The following MGAT4C variants were observed in gnomAD, a reference collection of about 807,000 sequenced individuals.
MGAT4C encodes the protein MGAT4 family member C, also known as alpha-1,3-mannosyl-glycoprotein 4-beta-N-acetylglucosaminyltransferase C.
Under a neutral mutation model 40.1 loss-of-function variants are expected in MGAT4C, and 19 were observed. The observed-to-expected ratio is 0.47, with a 90% CI of 0.33 to 0.70. The LOEUF (loss-of-function observed/expected upper bound fraction) is 0.70, where lower values mean the gene tolerates loss of function less well. Among genes scored for constraint, MGAT4C ranks in the 30% least tolerant of loss-of-function variants. The probability of loss-of-function intolerance (pLI) is 0.02; values close to 1 mark genes in which losing one functional copy is unlikely to be tolerated. For synonymous variants in MGAT4C, 181 were observed against 187.1 expected, an observed-to-expected ratio of 0.97 and a Z score of 0.27; for missense variants, 491 against 563.2, an observed-to-expected ratio of 0.87 and a Z score of 1.30.
chr12:86,190,491 C>A (rs1371011956), intron 1 of MGAT4C, among the ~76,000 whole-genome samples: 4 of 152,022 alleles, frequency 2.6e-5, no homozygotes, highest in Non-Finnish European at 4.4e-5. Flanking sequence ...TACATCATTC[C>A]TTTAACCATC....
chr12:86,494,723 A>G (rs1233702108), intron 2 of MGAT4C, among the ~76,000 whole-genome samples: 1 of 151,992 alleles, frequency 6.6e-6, no homozygotes, highest in East Asian at 1.9e-4. Context: ...TTCAGAAAAT[A>G]CAAAGCATTC....
intron 1 of MGAT4C, among the ~76,000 whole-genome samples, chr12:86,816,102 A>G (rs999914521): frequency 6.6e-6 from 1 of 151,768 alleles, no homozygotes; most frequent in Non-Finnish European, 1.5e-5. Context: ...TGAGTAGAAA[A>G]TTTGTTGATC....
chr12:86,586,842 C>T (rs955400060), intron 2 of MGAT4C, among the ~76,000 whole-genome samples: 20 of 151,810 alleles, frequency 1.3e-4, no homozygotes, highest in Non-Finnish European at 2.5e-4. Flanking sequence ...ATTGTAGATT[C>T]TGGATATTAG....
chr12:86,105,840 C>T (rs990772161), intron 1 of MGAT4C, among the ~76,000 whole-genome samples: 12 of 152,244 alleles, frequency 7.9e-5, no homozygotes, highest in Admixed American at 7.2e-4. Flanking sequence ...AAGGGTTCTG[C>T]CCCAAACAGT....
intron 2 of MGAT4C, among the ~76,000 whole-genome samples, chr12:86,709,264 T>C (rs894643165): frequency 6.6e-6 from 1 of 152,168 alleles, no homozygotes; most frequent in African/African-American, 2.4e-5. Flanking sequence ...CTTGCTCCTC[T>C]TTACCTTTCA....
intron 3 of MGAT4C, among the ~76,000 whole-genome samples, chr12:86,336,433 T>A (rs367999390): frequency 1.3e-3 from 196 of 152,336 alleles, no homozygotes; most frequent in African/African-American, 4.4e-3. Context: ...GTCTATTATG[T>A]GCCAGCAGGC....
chr12:86,063,107 G>A (rs1165373010), intron 1 of MGAT4C, among the ~76,000 whole-genome samples: 3 of 152,136 alleles, frequency 2.0e-5, no homozygotes, highest in Non-Finnish European at 4.4e-5. Flanking sequence ...AGGAAAAAAT[G>A]TTAAGGGCAG....
chr12:86,393,798 TAG>T (rs1386850974), intron 3 of MGAT4C, among the ~76,000 whole-genome samples: 1 of 152,062 alleles, frequency 6.6e-6, no homozygotes, highest in East Asian at 1.9e-4. Flanking sequence ...ATTTAATGCC[TAG>T]GAATTATGAG....
intron 1 of MGAT4C, among the ~76,000 whole-genome samples, chr12:86,210,143 C>T (rs967022041): frequency 1.3e-5 from 2 of 152,216 alleles, no homozygotes; most frequent in Middle Eastern, 3.4e-3. Context: ...CTTTTTGAAT[C>T]GTGGTCTTTT....
intron 1 of MGAT4C, among the ~76,000 whole-genome samples, chr12:86,072,349 A>C (rs1382417812): frequency 6.6e-6 from 1 of 151,938 alleles, no homozygotes; most frequent in African/African-American, 2.4e-5. Context: ...TTTTTTCCCC[A>C]AAACACTTTA....
In MGAT4C at chr12:85,979,914, C is replaced by T. The variant is rs367612551; in HGVS notation, c.812G>A (p.Arg271His). 5.6e-6 allele frequency: 9 copies of T among 1,613,520 alleles called. No homozygotes were observed. The highest frequency in any genetic ancestry group is 2.2e-5 in the South Asian group (2 of 91,084). Residue 271 changes from arginine to histidine, a missense_variant, in exon 5 of 5, where the codon CGT becomes CAT. Coordinates refer to ENST00000611864, the MANE Select transcript of MGAT4C (RefSeq NM_001351288.2). ...AAACATTAATAAAAAATGGGCCAAA[C>T]GTGGGAGATCATGAGAATGATAGAG... is the stretch of plus-strand genomic sequence containing the variant. ...GKLYHSHDLP[R>H]LAHFLLMFYQ...
intron 1 of MGAT4C, among the ~76,000 whole-genome samples, chr12:86,167,900 T>A (rs966412059): frequency 2.0e-4 from 30 of 152,186 alleles, no homozygotes; most frequent in African/African-American, 7.2e-4. Flanking sequence ...AACATTTATT[T>A]CAAAAAATCT....
chr12:86,002,629 A>G (rs1047894508), intron 2 of MGAT4C, among the ~76,000 whole-genome samples: 3 of 150,328 alleles, frequency 2.0e-5, no homozygotes, highest in Non-Finnish European at 4.4e-5. Context: ...TATTTTATAC[A>G]TATAGGTATA....
At chr12:86,492,650 G>A (rs575604078) in intron 2 of MGAT4C, among the ~76,000 whole-genome samples, 4 of 152,242 alleles carry the variant, frequency 2.6e-5, no homozygotes, top group African/African-American at 9.6e-5. Context: ...ATTAATTCAA[G>A]ATGGATTAAA....
intron 1 of MGAT4C, among the ~76,000 whole-genome samples, chr12:86,825,887 G>GACCCCT (rs1952796832): frequency 6.6e-6 from 1 of 151,246 alleles, no homozygotes; most frequent in Non-Finnish European, 1.5e-5. Flanking sequence ...GAAAATAAGG[G>GACCCCT]GTCTTGGAGA....
At chr12:86,549,334 T>G (rs1341609326) in intron 2 of MGAT4C, among the ~76,000 whole-genome samples, 1 of 152,174 alleles carries the variant, frequency 6.6e-6, no homozygotes, top group Non-Finnish European at 1.5e-5. Context: ...TGCCAATGTT[T>G]CATCAGAAAG....
intron 2 of MGAT4C, among the ~76,000 whole-genome samples, chr12:86,679,654 T>C (rs549356698): frequency 6.6e-6 from 1 of 152,166 alleles, no homozygotes; most frequent in South Asian, 2.1e-4. Context: ...AGTGTCCTTA[T>C]AAAAGAGATC....
chr12:86,181,165 G>A (rs1165875955), intron 1 of MGAT4C, among the ~76,000 whole-genome samples: 1 of 152,098 alleles, frequency 6.6e-6, no homozygotes, highest in African/African-American at 2.4e-5. Flanking sequence ...CCGCGGCCAT[G>A]TAAGAATTGC....
At chr12:86,313,865 C>T (rs2405934) in intron 4 of MGAT4C, among the ~76,000 whole-genome samples, 130,461 of 152,206 alleles carry the variant, frequency 0.86, 55,994 homozygotes, top group East Asian at 0.95. Flanking sequence ...AGAGAATTAG[C>T]ATCATGAAAT....
Sources: allele counts gnomAD v4.1 joint callset (sites outside exome capture counted in the v4.1 genomes callset), GRCh38; gene constraint gnomAD v4.1.1; transcripts MANE v1.5; gene names NCBI Gene and HGNC (gene_info 2026-07-23, HGNC 2026-07-21).